Variants in GTF2F2 observed in about 807,000 individuals in gnomAD.
GTF2F2 encodes ATP-dependent helicase GTF2F2.
In GTF2F2, 23 loss-of-function variants were observed where a neutral mutation model predicts 42.2. The ratio of observed to expected loss-of-function variants is 0.55; its 90% CI spans 0.39 to 0.77. The LOEUF is 0.77. GTF2F2 is among the 30% of genes least tolerant of loss of function. GTF2F2 has a pLI of 0.00. For missense variants in GTF2F2, 261 were observed against 287.2 expected (o/e 0.91, Z 0.66); for synonymous variants, 105 against 100.8 (o/e 1.04, Z -0.25).
chr13:45,179,658 C>T (rs1215938543), intron 4 of GTF2F2, among the ~76,000 whole-genome samples: 1 of 152,150 alleles, frequency 6.6e-6, no homozygotes, highest in Non-Finnish European at 1.5e-5. Flanking sequence ...TCTCATTTTC[C>T]TTGTATTGGC....
intron 4 of GTF2F2, among the ~76,000 whole-genome samples, chr13:45,171,065 C>T (rs1871571357): frequency 6.7e-6 from 1 of 148,316 alleles, no homozygotes; most frequent in Non-Finnish European, 1.5e-5. Context: ...GCCTAAAACC[C>T]TATCTTTTTT....
intron 4 of GTF2F2, among the ~76,000 whole-genome samples, chr13:45,167,232 A>ATTT (rs553522450): frequency 1.6e-5 from 2 of 127,678 alleles, no homozygotes; most frequent in African/African-American, 2.8e-5. Context: ...CTATTTTACT[A>ATTT]TTTTTTTTTT....
chr13:45,186,863 A>G (rs1872448558), intron 4 of GTF2F2, among the ~76,000 whole-genome samples: 2 of 152,336 alleles, frequency 1.3e-5, no homozygotes, highest in East Asian at 1.9e-4. Context: ...ATGTCAAAAC[A>G]TATGTGCTAA....
At chr13:45,271,153 G>A (rs1433795582) in intron 7 of GTF2F2, among the ~76,000 whole-genome samples, 4 of 151,998 alleles carry the variant, frequency 2.6e-5, no homozygotes, top group Non-Finnish European at 4.4e-5. Context: ...TTAGCCAGGC[G>A]TGGTGGCCAG....
chr13:45,155,712 G>T (rs1870723674), intron 4 of GTF2F2, among the ~76,000 whole-genome samples: 1 of 151,794 alleles, frequency 6.6e-6, no homozygotes. Flanking sequence ...GGCTATTTTG[G>T]GTTACCCTTT....
At chr13:45,191,785 A>G (rs1032128543) in intron 4 of GTF2F2, among the ~76,000 whole-genome samples, 6 of 152,180 alleles carry the variant, frequency 3.9e-5, no homozygotes, top group South Asian at 2.1e-4. Flanking sequence ...ATGTGTCCAG[A>G]TACAAGTTCT....
chr13:45,169,690 T>G (rs557205317), intron 4 of GTF2F2, among the ~76,000 whole-genome samples: 12 of 152,354 alleles, frequency 7.9e-5, no homozygotes, highest in African/African-American at 2.9e-4. Context: ...TTTATACTGT[T>G]GATTTCTCAC....
intron 1 of GTF2F2, among the ~76,000 whole-genome samples, chr13:45,127,967 T>TC: frequency 7.7e-6 from 1 of 130,712 alleles, no homozygotes; most frequent in East Asian, 2.3e-4. Context: ...TTTTTTTTTT[T>TC]TTCTTTTTTT....
intron 6 of GTF2F2, among the ~76,000 whole-genome samples, chr13:45,258,362 C>CAA (rs563202331): frequency 2.4e-4 from 33 of 135,202 alleles, no homozygotes; most frequent in African/African-American, 8.4e-4. Flanking sequence ...TCCTGCAATA[C>CAA]AAAAAAAAAA....
chr13:45,245,991 ATTATTTATTTATTTAT>A (rs143999940), intron 5 of GTF2F2, among the ~76,000 whole-genome samples: 2 of 140,892 alleles, frequency 1.4e-5, no homozygotes, highest in African/African-American at 5.2e-5. Flanking sequence ...GCCAACATCT[ATTATTTATTTATTTAT>A]TTATTTATTT....
At chr13:45,149,860 G>A in intron 3 of GTF2F2, 72 bp downstream of exon 3, 1 of 1,390,976 alleles carries the variant, frequency 7.2e-7, no homozygotes, top group Non-Finnish European at 9.6e-7. Flanking sequence ...TGAAAAAAGA[G>A]TGTTTGAATT....
chr13:45,187,973 A>G (rs1872493384), intron 4 of GTF2F2, among the ~76,000 whole-genome samples: 1 of 152,286 alleles, frequency 6.6e-6, no homozygotes, highest in South Asian at 2.1e-4. Context: ...CAGTAGCACA[A>G]TCTCAGCTTG....
At chr13:45,120,747 C>G (rs756336425) in intron 1 of GTF2F2, 26 bp downstream of exon 1, 5 of 1,503,290 alleles carry the variant, frequency 3.3e-6, no homozygotes, top group African/African-American at 2.8e-5. Context: ...CTCCCACTTG[C>G]GCTCCTCCTA....
At chr13:45,137,492 A>G (rs1331029453) in intron 2 of GTF2F2, among the ~76,000 whole-genome samples, 1 of 152,262 alleles carries the variant, frequency 6.6e-6, no homozygotes, top group Non-Finnish European at 1.5e-5. Context: ...GGCTTAGAAC[A>G]AAAGCCATTT....
At chr13:45,276,236 G>A (rs1337147267) in intron 7 of GTF2F2, among the ~76,000 whole-genome samples, 3 of 152,146 alleles carry the variant, frequency 2.0e-5, no homozygotes, top group African/African-American at 7.2e-5. Flanking sequence ...ATATATCATA[G>A]TGTGTATATA....
intron 4 of GTF2F2, among the ~76,000 whole-genome samples, chr13:45,205,832 T>C (rs1263233797): frequency 6.6e-6 from 1 of 152,202 alleles, no homozygotes; most frequent in Non-Finnish European, 1.5e-5. Context: ...TTTATTTTTT[T>C]AAAGGATTAA....
chr13:45,173,584 A>C (rs1871706055), intron 4 of GTF2F2, among the ~76,000 whole-genome samples: 2 of 140,064 alleles, frequency 1.4e-5, no homozygotes, highest in Non-Finnish European at 3.1e-5. Flanking sequence ...GAAATGACTG[A>C]TCTGTTCTGC....
chr13:45,264,731 A>G (rs1272693227), intron 6 of GTF2F2, among the ~76,000 whole-genome samples: 1 of 152,148 alleles, frequency 6.6e-6, no homozygotes, highest in Non-Finnish European at 1.5e-5. Flanking sequence ...GTCCTCTTGC[A>G]TCTGACATGT....
chr13:45,131,468 AT>A (rs1344994710), intron 1 of GTF2F2, among the ~76,000 whole-genome samples: 1 of 152,192 alleles, frequency 6.6e-6, no homozygotes, highest in East Asian at 1.9e-4. Flanking sequence ...TGGCTTGGTA[AT>A]TTGGAGATCC....
Sources: gnomAD v4.1 joint callset for allele counts (sites outside exome capture counted in the v4.1 genomes callset) on GRCh38, gnomAD v4.1.1 for gene constraint, MANE v1.5 for transcripts, NCBI Gene and HGNC (gene_info 2026-07-23, HGNC 2026-07-21) for gene names.